The following UQCC1 variants were observed in gnomAD, a reference collection of about 807,000 sequenced individuals.
UQCC1 encodes the protein ubiquinol-cytochrome c reductase complex assembly factor 1.
In UQCC1, 38 loss-of-function variants were observed where a neutral mutation model predicts 48.0. The ratio of observed to expected loss-of-function variants is 0.79; its 90% CI spans 0.61 to 1.04. UQCC1 has a LOEUF of 1.04. UQCC1 is among the 50% of genes least tolerant of loss of function. The pLI, the probability that UQCC1 is intolerant of heterozygous loss-of-function variation, is 0.00. For missense variants in UQCC1, 368 were observed against 381.8 expected, an observed-to-expected ratio of 0.96 and a Z score of 0.30; for synonymous variants, 111 against 129.2, an observed-to-expected ratio of 0.86 and a Z score of 0.95.
intron 1 of UQCC1, among the ~76,000 whole-genome samples, chr20:35,405,351 C>T (rs2062235907): frequency 6.6e-6 from 1 of 152,084 alleles, no homozygotes; most frequent in Non-Finnish European, 1.5e-5. Flanking sequence ...AACAAAAATA[C>T]AACAGCAAAC....
chr20:35,363,595 G>C (rs964995423), intron 6 of UQCC1, among the ~76,000 whole-genome samples: 1 of 152,214 alleles, frequency 6.6e-6, no homozygotes, highest in Admixed American at 6.5e-5. Flanking sequence ...GAGAAATCTT[G>C]TCCTTATTCT....
At chr20:35,325,514 T>TAAAC (rs2061182600) in intron 7 of UQCC1, among the ~76,000 whole-genome samples, 1 of 152,214 alleles carries the variant, frequency 6.6e-6, no homozygotes, top group Non-Finnish European at 1.5e-5. Context: ...CACCAGACTA[T>TAAAC]AAACGGTCTT....
At chr20:35,398,370 CA>C (rs1386442815) in intron 1 of UQCC1, among the ~76,000 whole-genome samples, 4 of 152,232 alleles carry the variant, frequency 2.6e-5, no homozygotes, top group Admixed American at 2.6e-4. Flanking sequence ...TTAAAATTAA[CA>C]AATGTACCTT....
At chr20:35,318,192 C>A (rs2061084227) in intron 7 of UQCC1, among the ~76,000 whole-genome samples, 1 of 152,142 alleles carries the variant, frequency 6.6e-6, no homozygotes, top group Non-Finnish European at 1.5e-5. Context: ...ATGTATCACA[C>A]CATTAAGCTT....
intron 6 of UQCC1, among the ~76,000 whole-genome samples, chr20:35,347,982 C>T (rs1428020064): frequency 1.3e-5 from 2 of 152,106 alleles, no homozygotes; most frequent in Admixed American, 6.6e-5. Context: ...TTGGACAACA[C>T]CTGTCCAGAA....
rs11907415 is a variant in UQCC1 at position 35,411,853 on chromosome 20, G to T, written c.24+87C>A. 2.4e-3 allele frequency: 3,773 copies of T among 1,575,204 alleles called. 71 individuals are homozygous for T. In the African/African-American group the frequency reaches 0.046, roughly 19 times the overall value. ...GCTATAACACAGGCTTCCCTCCTGC[G>T]ATTCCTTCCAATTCCTCCCGCCCTG... On this transcript the variant is annotated intron_variant, in intron 1 of 9. Coordinates refer to ENST00000374385, the MANE Select transcript of UQCC1 (RefSeq NM_018244.5).
At chr20:35,402,761 CCAGCCTGGGTGA>C (rs2062186260) in intron 1 of UQCC1, among the ~76,000 whole-genome samples, 1 of 151,466 alleles carries the variant, frequency 6.6e-6, no homozygotes, top group South Asian at 2.1e-4. Context: ...CTGCTGTACT[CCAGCCTGGGTGA>C]CAGAGTGAGA....
chr20:35,404,575 G>A (rs1310249443), intron 1 of UQCC1, among the ~76,000 whole-genome samples: 1 of 150,572 alleles, frequency 6.6e-6, no homozygotes, highest in Non-Finnish European at 1.5e-5. Flanking sequence ...TAAATGATGA[G>A]TTAATGGGTG....
At chr20:35,323,923 G>A (rs747358322) in intron 7 of UQCC1, among the ~76,000 whole-genome samples, 1 of 152,172 alleles carries the variant, frequency 6.6e-6, no homozygotes, top group Non-Finnish European at 1.5e-5. Flanking sequence ...TCTTGCTTCT[G>A]AGAGTACAAA....
intron 7 of UQCC1, among the ~76,000 whole-genome samples, chr20:35,335,560 A>G (rs762868126): frequency 6.6e-6 from 1 of 152,252 alleles, no homozygotes; most frequent in Non-Finnish European, 1.5e-5. Flanking sequence ...AAGTGAAAGA[A>G]GCCAAACATA....
At chr20:35,366,712 T>G in intron 5 of UQCC1, 98 bp from the exon 6 acceptor site, 2 of 1,033,736 alleles carry the variant, frequency 1.9e-6, no homozygotes, top group Non-Finnish European at 2.9e-6. Flanking sequence ...TGGTGCTCTC[T>G]GATTATGCTA....
rs192099773 is a variant in UQCC1 at position 35,407,593 on chromosome 20, T to C, written c.24+4347A>G. On this transcript the variant is annotated intron_variant, in intron 1 of 9. Transcript: ENST00000374385. ...TGATGAGGGATTGATATTCAAAATATATGAAAAACTTGCCAGATGCAGTGG... is the reference window on the plus strand; with the variant it reads ...TGATGAGGGATTGATATTCAAAATACATGAAAAACTTGCCAGATGCAGTGG... 2.5e-4 allele frequency among the ~76,000 whole-genome samples: 38 copies of C among 152,242 alleles called. No homozygotes were observed. In the Middle Eastern group the frequency reaches 0.01, roughly 41 times the overall value.
chr20:35,307,021 CAGT>C (rs1483442890), intron 8 of UQCC1: 1 of 534,988 alleles, frequency 1.9e-6, no homozygotes, highest in Non-Finnish European at 3.4e-6. Flanking sequence ...GCCAAGCCAC[CAGT>C]TAGGTGATGC....
chr20:35,326,920 C>A (rs2061201261), intron 7 of UQCC1, among the ~76,000 whole-genome samples: 1 of 152,184 alleles, frequency 6.6e-6, no homozygotes, highest in Non-Finnish European at 1.5e-5. Flanking sequence ...TTGGTCAGTT[C>A]TTTGCTAATA....
chr20:35,407,256 C>T (rs909763308), intron 1 of UQCC1, among the ~76,000 whole-genome samples: 4 of 151,906 alleles, frequency 2.6e-5, no homozygotes, highest in African/African-American at 7.3e-5. Context: ...GGGAAAACCC[C>T]CTCTCTATTA....
intron 6 of UQCC1, among the ~76,000 whole-genome samples, chr20:35,361,695 A>T (rs999073904): frequency 2.0e-5 from 3 of 152,294 alleles, no homozygotes; most frequent in South Asian, 2.1e-4. Context: ...TTTCCTCTCC[A>T]CCACATTCTA....
At chr20:35,408,972 T>C (rs540923022) in intron 1 of UQCC1, among the ~76,000 whole-genome samples, 37 of 152,292 alleles carry the variant, frequency 2.4e-4, no homozygotes, top group Admixed American at 2.0e-3. Context: ...ATTCCACTTA[T>C]ATGAGGTACA....
chr20:35,411,077 T>C (rs543710074), intron 1 of UQCC1, among the ~76,000 whole-genome samples: 2 of 152,294 alleles, frequency 1.3e-5, no homozygotes, highest in Non-Finnish European at 2.9e-5. Flanking sequence ...ATGTCTACTA[T>C]GAAAAACAGT....
At chr20:35,359,302 A>G (rs1363087076) in intron 6 of UQCC1, among the ~76,000 whole-genome samples, 1 of 152,232 alleles carries the variant, frequency 6.6e-6, no homozygotes, top group Non-Finnish European at 1.5e-5. Context: ...TTAAGGTTGC[A>G]CGGTAGAGAA....
Sources: allele counts gnomAD v4.1 joint callset (sites outside exome capture counted in the v4.1 genomes callset), GRCh38; gene constraint gnomAD v4.1.1; transcripts MANE v1.5; gene names NCBI Gene and HGNC (gene_info 2026-07-23, HGNC 2026-07-21).